Variants in CAAP1 observed in about 807,000 individuals in gnomAD.
CAAP1 encodes the protein caspase activity and apoptosis inhibitor 1, also known as conserved anti-apoptotic protein.
A neutral mutation model predicts 34.0 loss-of-function variants in CAAP1; 20 were observed. That is an observed-to-expected ratio of 0.59 (90% CI 0.41 to 0.86). The LOEUF is 0.86. CAAP1 is among the 40% of genes least tolerant of loss of function. The pLI is 0.00. For synonymous variants in CAAP1, 213 were observed against 166.7 expected, an observed-to-expected ratio of 1.28 and a Z score of -2.14; for missense variants, 538 against 450.5, an observed-to-expected ratio of 1.19 and a Z score of -1.76.
chr9:26,862,494 CACA>C (rs564097940), intron 4 of CAAP1, among the ~76,000 whole-genome samples: 10 of 151,270 alleles, frequency 6.6e-5, no homozygotes, highest in Non-Finnish European at 1.5e-4. Flanking sequence ...CTAAGGAAGA[CACA>C]ACATCATTTA....
intron 5 of CAAP1, among the ~76,000 whole-genome samples, chr9:26,854,843 T>C (rs1320882538): frequency 6.6e-6 from 1 of 152,202 alleles, no homozygotes; most frequent in South Asian, 2.1e-4. Context: ...AACAAGAGAT[T>C]ACTTATATGC....
Position 26,861,675 on chromosome 9 carries a change from G to C in CAAP1, c.666-536C>G, listed in dbSNP as rs114201174. On this transcript the variant is annotated intron_variant, in intron 4 of 5. Coordinates refer to ENST00000333916, the MANE Select transcript of CAAP1 (RefSeq NM_024828.4). ...TCAATTCACTATGTTCTGGAATACA[G>C]CTGCAAAATAATGTGCTTTCTTAGC... 3.5e-3 allele frequency among the ~76,000 whole-genome samples: 532 copies of C among 152,236 alleles called. 2 individuals carry two copies. The highest frequency in any genetic ancestry group is 0.012 in the African/African-American group (508 of 41,528).
At chr9:26,845,608 TCG>T (rs1822581461) in intron 5 of CAAP1, among the ~76,000 whole-genome samples, 1 of 152,158 alleles carries the variant, frequency 6.6e-6, no homozygotes, top group African/African-American at 2.4e-5. Flanking sequence ...ACTCCTGACC[TCG>T]TGATCCACCC....
At chr9:26,843,760 C>T (rs776221383) in intron 5 of CAAP1, among the ~76,000 whole-genome samples, 13 of 152,196 alleles carry the variant, frequency 8.5e-5, no homozygotes, top group African/African-American at 3.1e-4. Context: ...AACAATTATA[C>T]TCCATTGGTT....
intron 1 of CAAP1, among the ~76,000 whole-genome samples, chr9:26,889,866 T>C (rs192370373): frequency 0.066 from 4,831 of 73,020 alleles, 143 homozygotes; most frequent in Middle Eastern, 0.16. Flanking sequence ...AGACTCTGTC[T>C]CAAAAAAAAA....
chr9:26,884,238 C>T (rs1378160564), intron 4 of CAAP1, among the ~76,000 whole-genome samples: 1 of 152,070 alleles, frequency 6.6e-6, no homozygotes, highest in Non-Finnish European at 1.5e-5. Flanking sequence ...CTTTGAAGTG[C>T]ACTAATGAAG....
chr9:26,888,127 A>G (rs1823798257), intron 1 of CAAP1, among the ~76,000 whole-genome samples: 1 of 152,200 alleles, frequency 6.6e-6, no homozygotes, highest in Non-Finnish European at 1.5e-5. Flanking sequence ...ACCAATAGCC[A>G]TTTAATGGGA....
chr9:26,843,071 T>C (rs1454581609), intron 5 of CAAP1, among the ~76,000 whole-genome samples: 1 of 152,160 alleles, frequency 6.6e-6, no homozygotes, highest in African/African-American at 2.4e-5. Flanking sequence ...ATACTTTGCT[T>C]TATAAACTAC....
intron 4 of CAAP1, chr9:26,870,030 A>G (rs985253032): frequency 1.4e-6 from 1 of 703,576 alleles, no homozygotes; most frequent in Non-Finnish European, 1.7e-6. Flanking sequence ...TCTGTAATAG[A>G]AAGAATAACT....
chr9:26,844,596 G>A (rs1269178432), intron 5 of CAAP1, among the ~76,000 whole-genome samples: 6 of 152,176 alleles, frequency 3.9e-5, no homozygotes, highest in Non-Finnish European at 8.8e-5. Flanking sequence ...GTGGAGAAGA[G>A]GTAAACGGTA....
chr9:26,864,785 G>A (rs1374313278), intron 4 of CAAP1, among the ~76,000 whole-genome samples: 1 of 152,150 alleles, frequency 6.6e-6, no homozygotes, highest in East Asian at 1.9e-4. Flanking sequence ...ACTTTGTATG[G>A]ACATTTAAAG....
intron 4 of CAAP1, among the ~76,000 whole-genome samples, chr9:26,872,574 T>TATATATATA (rs1563888459): frequency 1.4e-5 from 2 of 138,178 alleles, no homozygotes; most frequent in African/African-American, 6.1e-5. Flanking sequence ...ATATATATAT[T>TATATATATA]TAGACAGAGT....
At chr9:26,875,105 T>C (rs547411348) in intron 4 of CAAP1, among the ~76,000 whole-genome samples, 6 of 152,338 alleles carry the variant, frequency 3.9e-5, no homozygotes, top group Non-Finnish European at 8.8e-5. Flanking sequence ...ACTGATGTTA[T>C]GTCTCTTTCT....
Position 26,892,556 on chromosome 9 carries a change from A to C in CAAP1, c.160T>G (p.Cys54Gly). The change falls in exon 1 of 6, where the codon TGC (cysteine) becomes GGC (glycine). Residue 54 changes from cysteine to glycine, a missense_variant. Cys to Gly is a radical substitution (Grantham distance 159, BLOSUM62 -3). Transcript: ENST00000333916. Reference sequence around the variant, plus strand: ...CCACTAAAATTGGCGTTCCCACAGCAGCTGACGCTCCCGCAGCCCCCGGCG... The same window carrying C: ...CCACTAAAATTGGCGTTCCCACAGCCGCTGACGCTCCCGCAGCCCCCGGCG... ...GSAGGCGSVS[C>G]CGNANFSGSV... 1.9e-6 allele frequency: 3 copies of C among 1,585,518 alleles called. No individual in the cohort carries two copies. Among genetic ancestry groups the C allele is most frequent in the Non-Finnish European group, 2.6e-6 (3 of 1,166,352 alleles).
At chr9:26,860,995 A>T in intron 5 of CAAP1, 71 bp downstream of exon 5, 1 of 1,160,950 alleles carries the variant, frequency 8.6e-7, no homozygotes, top group Non-Finnish European at 1.3e-6. Context: ...AGACACTGAA[A>T]ATTTATTTTT....
chr9:26,877,118 T>C (rs1823455273), intron 4 of CAAP1, among the ~76,000 whole-genome samples: 1 of 152,162 alleles, frequency 6.6e-6, no homozygotes, highest in Non-Finnish European at 1.5e-5. Flanking sequence ...CACTCCGGCA[T>C]GGGCAAAAGA....
intron 5 of CAAP1, among the ~76,000 whole-genome samples, chr9:26,855,016 G>T (rs1040857579): frequency 3.3e-5 from 5 of 152,112 alleles, no homozygotes; most frequent in Admixed American, 6.5e-5. Flanking sequence ...TTATCCAAAT[G>T]GGTTGCAAAG....
intron 5 of CAAP1, 135 bp from the exon 6 acceptor site, chr9:26,842,782 G>T: frequency 1.6e-6 from 1 of 637,398 alleles, no homozygotes; most frequent in Non-Finnish European, 2.6e-6. Flanking sequence ...TAATCCCCAT[G>T]CCACCCTCTT....
rs890909977 is a variant in CAAP1, at chr9:26,857,182, G to A, written c.739+3884C>T. On this transcript the variant is annotated intron_variant, in intron 5 of 5. Coordinates refer to ENST00000333916, the MANE Select transcript of CAAP1 (RefSeq NM_024828.4). ...AGCAGCAATCTCTGAAATCCTCAAG[G>A]AAATTAACATAAGATCTGAAACTTG... Among the ~76,000 whole-genome samples the A allele has an allele frequency of 4.3e-4, 66 of 152,168 alleles. 2 individuals carry two copies. Among genetic ancestry groups the A allele is most frequent in the African/African-American group, 1.5e-3 (64 of 41,450 alleles).
Sources: gnomAD v4.1 joint callset for allele counts (sites outside exome capture counted in the v4.1 genomes callset) on GRCh38, gnomAD v4.1.1 for gene constraint, MANE v1.5 for transcripts, NCBI Gene and HGNC (gene_info 2026-07-23, HGNC 2026-07-21) for gene names.